Variants in TNS3 observed in about 807,000 individuals in gnomAD.
TNS3 encodes tensin 3.
TNS3 carries 45 observed loss-of-function variants against 140.9 expected under a neutral mutation model. The observed-to-expected ratio is 0.32, with a 90% CI of 0.25 to 0.41. TNS3 has a LOEUF of 0.41. Ranked by LOEUF, TNS3 falls within the 10% of genes least tolerant of loss-of-function variation. The pLI, the probability that TNS3 is intolerant of heterozygous loss-of-function variation, is 1.00. For synonymous variants in TNS3, 815 were observed against 788.4 expected, an observed-to-expected ratio of 1.03 and a Z score of -0.56; for missense variants, 1,716 against 1,906.7, an observed-to-expected ratio of 0.90 and a Z score of 1.86.
intron 16 of TNS3, among the ~76,000 whole-genome samples, chr7:47,371,564 T>C (rs1791073857): frequency 6.6e-6 from 1 of 152,154 alleles, no homozygotes; most frequent in Non-Finnish European, 1.5e-5. Context: ...AGAGGTGGCA[T>C]TGAACTCACA....
At chr7:47,406,973 C>T (rs367711072) in intron 13 of TNS3, among the ~76,000 whole-genome samples, 8 of 152,162 alleles carry the variant, frequency 5.3e-5, no homozygotes, top group African/African-American at 1.2e-4. Context: ...AGGAGGAATC[C>T]GGTGCTGCTC....
At chr7:47,405,395 G>A in intron 13 of TNS3, 1 of 653,382 alleles carries the variant, frequency 1.5e-6, no homozygotes, top group South Asian at 1.8e-5. Context: ...CAAGGAATCT[G>A]TGAACTCAGA....
intron 1 of TNS3, among the ~76,000 whole-genome samples, chr7:47,543,930 G>A (rs529789865): frequency 7.2e-5 from 11 of 152,274 alleles, no homozygotes; most frequent in African/African-American, 2.6e-4. Flanking sequence ...CCGCCCTGGG[G>A]AAACCAGCAT....
chr7:47,501,777 G>C (rs970899196), intron 3 of TNS3, among the ~76,000 whole-genome samples: 2 of 152,184 alleles, frequency 1.3e-5, no homozygotes, highest in African/African-American at 4.8e-5. Context: ...GGGAGGACTG[G>C]GAGTCTCGGA....
At position 47,368,406 on chromosome 7, in the gene TNS3, G is replaced by A. The variant is rs765344447; in HGVS notation, c.2240C>T (p.Pro747Leu). 5.3e-6 allele frequency: 8 copies of A among 1,517,972 alleles called. No homozygotes were observed. The East Asian group carries it at 9.3e-5, about 18-fold the overall frequency. 94.0% of individuals were successfully genotyped at this position (1,517,972 alleles called of 1,614,324 possible). A position where few individuals can be genotyped will look rare whatever the true frequency, so the allele number is the denominator to read the frequency against. Residue 747 changes from proline (P) to leucine (L), a missense_variant, in exon 17 of 31, where the codon CCT (proline) becomes CTT (leucine). Around this residue, in one of 3 missense-constraint regions of TNS3, gnomAD observed 1,163 missense variants for 1,182.1 expected, o/e 0.98. Coordinates refer to ENST00000311160, the MANE Select transcript of TNS3 (RefSeq NM_022748.12). ...CCTGCTGGGGCCCTCTCCTGTGTCA[G>A]GCAGCCTGCTGCTTGCCCGGAGCCC... ...GGGLRASSRL[P>L]DTGEGPSRAT...
chr7:47,435,977 G>T (rs1251782765), intron 7 of TNS3, among the ~76,000 whole-genome samples: 1 of 152,190 alleles, frequency 6.6e-6, no homozygotes, highest in African/African-American at 2.4e-5. Flanking sequence ...GCGTCCTGAG[G>T]CACACACAAG....
intron 16 of TNS3, among the ~76,000 whole-genome samples, chr7:47,379,069 T>C (rs1314780375): frequency 1.3e-5 from 2 of 152,170 alleles, no homozygotes; most frequent in Admixed American, 1.3e-4. Context: ...AACTAGGCTG[T>C]GGCCCAGAGC....
At position 47,293,872 on chromosome 7, in the gene TNS3, G is replaced by A. The variant is rs375551430; in HGVS notation, c.3677-44C>T. The A allele has an allele frequency of 1.2e-5, 19 of 1,564,524 alleles. No individual in the cohort carries two copies. The African/African-American group carries it at 2.6e-4, about 21-fold the overall frequency. Reference sequence around the variant, plus strand: ...AGAAAGAAGAATTTTTTGAAAATGGGAGCATGGGAGAATTCAATAGAGAGA... The same window carrying A: ...AGAAAGAAGAATTTTTTGAAAATGGAAGCATGGGAGAATTCAATAGAGAGA... On this transcript the variant is annotated intron_variant, in intron 24 of 30. Coordinates refer to ENST00000311160, the MANE Select transcript of TNS3 (RefSeq NM_022748.12).
At chr7:47,514,326 C>T (rs1798709189) in intron 2 of TNS3, among the ~76,000 whole-genome samples, 1 of 152,144 alleles carries the variant, frequency 6.6e-6, no homozygotes. Context: ...TGCACCTGGC[C>T]CAAAGCAAAA....
chr7:47,280,581 T>A (rs1785091865), intron 28 of TNS3, among the ~76,000 whole-genome samples: 1 of 152,198 alleles, frequency 6.6e-6, no homozygotes, highest in Admixed American at 6.5e-5. Context: ...CCACACAGGC[T>A]GAAACTGTCA....
Position 47,500,097 on chromosome 7 carries a change from G to A in TNS3, c.-115+6810C>T, listed in dbSNP as rs904092934. ...CAAACATTAAAACACACACACACAC[G>A]CACACACACACACACTTGGCAAACA... On this transcript the variant is annotated intron_variant, in intron 3 of 30. Transcript: ENST00000311160. Among the ~76,000 whole-genome samples the A allele has an allele frequency of 9.9e-5, 15 of 151,182 alleles. No homozygotes were observed. In the South Asian group the frequency reaches 1.3e-3, roughly 13 times the overall value.
intron 11 of TNS3, 130 bp from the exon 12 acceptor site, chr7:47,414,127 G>T (rs942569651): frequency 2.2e-6 from 2 of 900,426 alleles, no homozygotes; most frequent in Admixed American, 2.0e-5. Flanking sequence ...GTCTGGGAAA[G>T]CAGTGCATGG....
chr7:47,466,215 C>T (rs1179006257), intron 4 of TNS3, among the ~76,000 whole-genome samples: 1 of 151,422 alleles, frequency 6.6e-6, no homozygotes, highest in African/African-American at 2.4e-5. Context: ...TGCAGTGGTA[C>T]AATCTCGGCT....
chr7:47,337,825 TG>T (rs1480474417), intron 20 of TNS3, among the ~76,000 whole-genome samples: 3 of 152,250 alleles, frequency 2.0e-5, no homozygotes, highest in Non-Finnish European at 4.4e-5. Context: ...ACCACTCTTC[TG>T]CCAATCTCCT....
chr7:47,359,190 C>G (rs1790176103), intron 17 of TNS3, among the ~76,000 whole-genome samples: 1 of 152,334 alleles, frequency 6.6e-6, no homozygotes, highest in Middle Eastern at 3.4e-3. Flanking sequence ...TCTATCCCAG[C>G]TGTGGAATAT....
At chr7:47,553,255 T>G (rs1171456363) in intron 1 of TNS3, among the ~76,000 whole-genome samples, 1 of 152,236 alleles carries the variant, frequency 6.6e-6, no homozygotes, top group Non-Finnish European at 1.5e-5. Flanking sequence ...AGACCATTGA[T>G]GAAGGTGGCT....
At chr7:47,566,263 T>G (rs1171694563) in intron 1 of TNS3, among the ~76,000 whole-genome samples, 1 of 152,132 alleles carries the variant, frequency 6.6e-6, no homozygotes, top group Admixed American at 6.5e-5. Context: ...GCTGCCCGGC[T>G]GGTAGGTGAG....
At chr7:47,320,730 T>A (rs1584394735) in intron 20 of TNS3, among the ~76,000 whole-genome samples, 1 of 152,288 alleles carries the variant, frequency 6.6e-6, no homozygotes, top group East Asian at 1.9e-4. Flanking sequence ...AACACTCACA[T>A]CCTGGGGTTC....
At chr7:47,351,363 G>A (rs1007107964) in intron 17 of TNS3, among the ~76,000 whole-genome samples, 10 of 152,152 alleles carry the variant, frequency 6.6e-5, no homozygotes, top group South Asian at 6.2e-4. Context: ...CATTTATAGC[G>A]AGCAGGGCTT....
Sources: allele counts gnomAD v4.1 joint callset (sites outside exome capture counted in the v4.1 genomes callset), GRCh38; gene constraint gnomAD v4.1.1; regional missense constraint gnomAD v4.1.1; transcripts MANE v1.5; gene names NCBI Gene and HGNC (gene_info 2026-07-23, HGNC 2026-07-21).